EPS8L3: variants seen among roughly 807,000 people sequenced by gnomAD.
EPS8L3 encodes the protein EPS8 signaling adaptor L3.
In EPS8L3, 80 loss-of-function variants were observed where a neutral mutation model predicts 88.5. The observed-to-expected ratio is 0.90, with a 90% CI of 0.75 to 1.09. The LOEUF (loss-of-function observed/expected upper bound fraction) is 1.09. Among genes scored for constraint, EPS8L3 ranks in the 50% least tolerant of loss-of-function variants. EPS8L3 has a pLI of 0.00. For missense variants in EPS8L3, 721 were observed against 735.2 expected, an observed-to-expected ratio of 0.98 and a Z score of 0.22; for synonymous variants, 286 against 291.0, an observed-to-expected ratio of 0.98 and a Z score of 0.18.
In EPS8L3 at chr1:109,758,613, G is replaced by A; in HGVS notation, c.512C>T (p.Ala171Val). 6.2e-7 allele frequency: 1 copy of A among 1,612,734 alleles called. No individual in the cohort carries two copies. Among genetic ancestry groups the A allele is most frequent in the East Asian group, 2.2e-5 (1 of 44,864 alleles). Residue 171 changes from alanine (A) to valine (V), a missense_variant, in exon 7 of 19, where the codon GCT becomes GTT. Transcript: ENST00000361965. ...CTCCATAGGGAGCGGCCTTTCCATA[G>A]CAGGCCCCCTCCATCTGTCCTGGCC... is the stretch of plus-strand genomic sequence containing the variant. ...QPGQDRWRGP[A>V]MERPLPMEQA...
In EPS8L3 at chr1:109,761,703, C is replaced by T. The variant is rs370742281; in HGVS notation, c.31+16G>A. On this transcript the variant is annotated intron_variant, in intron 2 of 18. Coordinates refer to ENST00000361965, the MANE Select transcript of EPS8L3 (RefSeq NM_133181.4). ...TCAGTGGGAGGGCACGGGAGAGGGG[C>T]CTGCCAGGAGCTTACAGTAAATGGC... 1 of 1,613,688 alleles carries T rather than the reference C, an allele frequency of 6.2e-7. No homozygotes were observed. Among genetic ancestry groups the T allele is most frequent in the Non-Finnish European group, 8.5e-7 (1 of 1,179,940 alleles).
At chr1:109,753,012 C>T (rs2101419070) in intron 13 of EPS8L3, 105 bp downstream of exon 13, 1 of 1,023,388 alleles carries the variant, frequency 9.8e-7, no homozygotes, top group East Asian at 2.4e-5. Flanking sequence ...GCTGGCTTGC[C>T]AGTGTTAGGT....
rs1649790128 is a variant in EPS8L3, at chr1:109,751,545, T to G, written c.1563+109A>C. 6 of 1,529,484 alleles carry G rather than the reference T, an allele frequency of 3.9e-6. No individual in the cohort carries two copies. In the South Asian group the frequency reaches 6.9e-5, roughly 18 times the overall value. The allele number at this position is 1,529,484 out of a possible 1,614,324, so 94.7% of individuals were successfully genotyped here. A position where few individuals can be genotyped will look rare whatever the true frequency, so the allele number is the denominator to read the frequency against. On this transcript the variant is annotated intron_variant, in intron 16 of 18. Transcript: ENST00000361965. ...AGTTGGCACACTAAGCATGCAATAA[T>G]ACGGTCCGAATCAAACCAAGACTAT...
chr1:109,759,664 C>G lies in EPS8L3; in HGVS notation c.255+14G>C, dbSNP rs1241089811. 3.1e-6 allele frequency: 5 copies of G among 1,611,792 alleles called. No individual in the cohort carries two copies. The Admixed American group carries it at 8.3e-5, about 27-fold the overall frequency. On this transcript the variant is annotated intron_variant, in intron 4 of 18. Coordinates refer to ENST00000361965, the MANE Select transcript of EPS8L3 (RefSeq NM_133181.4). The surrounding 1 kb of genome is among the most constrained non-coding windows in gnomAD (Gnocchi z 4.2). Reference sequence around the variant, plus strand: ...CCCAGGCTGGCTATCACTGGGTTTGCTGGGAAGGCTGACCTTGGTCTCAAT... The same window carrying G: ...CCCAGGCTGGCTATCACTGGGTTTGGTGGGAAGGCTGACCTTGGTCTCAAT...
Position 109,751,296 on chromosome 1 carries a change from G to T in EPS8L3, c.1619C>A (p.Ala540Glu). Residue 540 changes from alanine to glutamate, a missense_variant, in exon 17 of 19, where the codon GCA (alanine) becomes GAA (glutamate). Ala to Glu is a moderately radical substitution (Grantham distance 107). Transcript: ENST00000361965. ...RPEEVTDWLQ[A>E]ENFSTATVRT... ...CACTCACGCAGTGGAGAAGTTCTCT[G>T]CCTGCAGCCAGTCTGTGACCTCTTC... is the stretch of plus-strand genomic sequence containing the variant. The T allele has an allele frequency of 6.2e-7, 1 of 1,613,842 alleles. No individual in the cohort carries two copies. Among genetic ancestry groups the T allele is most frequent in the South Asian group, 1.1e-5 (1 of 91,016 alleles).
Position 109,752,107 on chromosome 1 carries a change from G to T in EPS8L3, c.1322C>A (p.Ser441Tyr). The T allele has an allele frequency of 6.2e-7, 1 of 1,614,104 alleles. No homozygotes were observed. Among genetic ancestry groups the T allele is most frequent in the Non-Finnish European group, 8.5e-7 (1 of 1,180,024 alleles). Residue 441 changes from serine to tyrosine, a missense_variant, in exon 15 of 19, where the codon TCC (serine) becomes TAC (tyrosine). Transcript: ENST00000361965. Reference protein sequence around the residue: ...NHDPQPGDPNSRPSSPKPAQP... With the variant: ...NHDPQPGDPNYRPSSPKPAQP... The stretch of plus-strand genomic sequence containing the variant: ...GGCAGGTTTGGGGCTGGAGGGCCTG[G>T]AGTTGGGGTCCCCAGGCTGAGGGTC...
intron 1 of EPS8L3, among the ~76,000 whole-genome samples, chr1:109,762,829 C>T (rs1484220449): frequency 6.6e-6 from 1 of 152,194 alleles, no homozygotes; most frequent in Non-Finnish European, 1.5e-5. Context: ...TTGCAAGCTT[C>T]GTGTTTTAAT....
chr1:109,753,535 G>A (rs1183262337), intron 12 of EPS8L3, among the ~76,000 whole-genome samples: 1 of 152,178 alleles, frequency 6.6e-6, no homozygotes, highest in Non-Finnish European at 1.5e-5. Flanking sequence ...TTTTGGGCTG[G>A]CCAACACCCC....
Position 109,757,480 on chromosome 1 carries a change from C to A in EPS8L3, c.969+1G>T. On this transcript the variant is annotated splice_donor_variant, in intron 11 of 18. Transcript: ENST00000361965. LOFTEE classifies it high-confidence loss of function. ...CACCACCCTGTCGTCCCTTGACTCA[C>A]GAAGTTCAGGGACTTGAAGAGGATG... is the stretch of plus-strand genomic sequence containing the variant. The A allele has an allele frequency of 1.2e-6, 2 of 1,613,594 alleles. No homozygotes were observed. Among genetic ancestry groups the A allele is most frequent in the Non-Finnish European group, 1.7e-6 (2 of 1,179,534 alleles).
intron 18 of EPS8L3, 22 bp from the exon 19 acceptor site, chr1:109,750,424 G>A (rs376835702): frequency 9.3e-6 from 15 of 1,613,192 alleles, no homozygotes; most frequent in Non-Finnish European, 1.2e-5. Flanking sequence ...CAAAGATTCA[G>A]ATGAGGCTGA....
chr1:109,752,654 A>G (rs2101413742), intron 14 of EPS8L3, 32 bp downstream of exon 14: 1 of 1,547,034 alleles, frequency 6.5e-7, no homozygotes. Context: ...CCTCCCCAGG[A>G]CCACGCAGTC....
At chr1:109,758,817 C>A (rs983767128) in intron 6 of EPS8L3, 154 bp from the exon 7 acceptor site, 2 of 1,055,754 alleles carry the variant, frequency 1.9e-6, no homozygotes, top group African/African-American at 3.2e-5. Context: ...ACCCCTGACT[C>A]CACCCTGCCT....
intron 17 of EPS8L3, among the ~76,000 whole-genome samples, 196 bp from the exon 18 acceptor site, chr1:109,750,988 T>C (rs980764097): frequency 2.0e-5 from 3 of 152,186 alleles, no homozygotes; most frequent in African/African-American, 7.2e-5. Flanking sequence ...TTGAAAGAAG[T>C]GCTCTGGGAG....
At position 109,751,782 on chromosome 1, in the gene EPS8L3, C is replaced by T. The variant is rs1312192257; in HGVS notation, c.1435G>A (p.Val479Ile). 1 of 1,613,382 alleles carries T rather than the reference C, an allele frequency of 6.2e-7. No individual in the cohort carries two copies. The highest frequency in any genetic ancestry group is 1.7e-5 in the Admixed American group (1 of 60,014). ...CACCACCGCTTGCTGTGGTCCAGAA[C>T]CTGCCAAGAGTCACCACCTCAGTCC... ...LTVVQGEKLE[V>I]LDHSKRWWLV... Residue 479 changes from valine to isoleucine, a missense_variant and splice_region_variant, in exon 16 of 19, where the codon GTT becomes ATT. Val to Ile is a conservative substitution (Grantham distance 29, BLOSUM62 3). Coordinates refer to ENST00000361965, the MANE Select transcript of EPS8L3 (RefSeq NM_133181.4).
chr1:109,753,510 T>C (rs1402627358), intron 12 of EPS8L3, among the ~76,000 whole-genome samples: 1 of 152,220 alleles, frequency 6.6e-6, no homozygotes, highest in Non-Finnish European at 1.5e-5. Flanking sequence ...ATTAAAGTAG[T>C]AGAACTACAA....
intron 12 of EPS8L3, among the ~76,000 whole-genome samples, chr1:109,756,750 G>C (rs1650317649): frequency 6.6e-6 from 1 of 152,186 alleles, no homozygotes; most frequent in African/African-American, 2.4e-5. Context: ...GTAGAAGGTT[G>C]CCATCTCCCT....
At chr1:109,751,530 C>G in intron 16 of EPS8L3, 124 bp downstream of exon 16, 1 of 1,472,692 alleles carries the variant, frequency 6.8e-7, no homozygotes, top group South Asian at 1.2e-5. Flanking sequence ...AGTTGGCACA[C>G]TAAGCATGCA....
chr1:109,756,353 C>T (rs989293149), intron 12 of EPS8L3, among the ~76,000 whole-genome samples: 3 of 152,244 alleles, frequency 2.0e-5, no homozygotes, highest in African/African-American at 7.2e-5. Context: ...ATTCTCCTGC[C>T]TCAGCCTCCC....
In EPS8L3 at chr1:109,759,360, TG is replaced by T; in HGVS notation, c.282del (p.Asp94GlufsTer6). 6.2e-7 allele frequency: 1 copy of T among 1,613,570 alleles called. No homozygotes were observed. Among genetic ancestry groups the T allele is most frequent in the Non-Finnish European group, 8.5e-7 (1 of 1,179,888 alleles). On this transcript the variant is annotated frameshift_variant, in exon 5 of 19. Coordinates refer to ENST00000361965, the MANE Select transcript of EPS8L3 (RefSeq NM_133181.4). LOFTEE classifies it high-confidence loss of function. The surrounding 1 kb of genome is among the most constrained non-coding windows in gnomAD (Gnocchi z 4.2). Reference sequence around the variant, plus strand: ...AGCGCCACATTCATGGCCTGGATGCTGTCTAGGCGGTAAGAGTCCAGCTCCT... The same window carrying T: ...AGCGCCACATTCATGGCCTGGATGCTTCTAGGCGGTAAGAGTCCAGCTCCT... Reference protein sequence around the residue: ...TKEELDSYRLDSIQAMNVALN... With the variant: ...TKEELDSYRLXSIQAMNVALN...
Sources: allele counts gnomAD v4.1 joint callset (sites outside exome capture counted in the v4.1 genomes callset), GRCh38; gene constraint gnomAD v4.1.1; non-coding constraint Gnocchi (gnomAD v3.1); transcripts MANE v1.5; gene names NCBI Gene and HGNC (gene_info 2026-07-23, HGNC 2026-07-21).